The following CDK7 variants were observed in gnomAD, a reference collection of about 807,000 sequenced individuals.
CDK7 encodes cyclin dependent kinase 7, also known as cyclin-dependent kinase 7.
In CDK7, 25 loss-of-function variants were observed where a neutral mutation model predicts 49.1. The observed-to-expected ratio is 0.51, with a 90% CI of 0.37 to 0.71. CDK7 has a LOEUF of 0.71. CDK7 is among the 30% of genes least tolerant of loss of function. CDK7 has a pLI of 0.00. For missense variants in CDK7, 316 were observed against 411.7 expected (o/e 0.77, Z 2.01); for synonymous variants, 107 against 140.0 (o/e 0.76, Z 1.67).
At chr5:69,244,034 A>C (rs984021131) in intron 2 of CDK7, among the ~76,000 whole-genome samples, 1 of 145,418 alleles carries the variant, frequency 6.9e-6, no homozygotes, top group Non-Finnish European at 1.5e-5. Flanking sequence ...GGGTTTCACT[A>C]TGTTGGCCAG....
chr5:69,262,130 G>A (rs1750864242), intron 7 of CDK7, 75 bp from the exon 8 acceptor site: 1 of 1,582,386 alleles, frequency 6.3e-7, no homozygotes, highest in East Asian at 2.2e-5. Context: ...AACAGACAAG[G>A]ATCGTTCATC....
Position 69,273,056 on chromosome 5 carries a change from C to A in CDK7, c.864+15C>A, listed in dbSNP as rs1390713382. On this transcript the variant is annotated intron_variant, in intron 10 of 11. Coordinates refer to ENST00000256443, the MANE Select transcript of CDK7 (RefSeq NM_001799.4). ...CGGCCACACAGGTATTTTGGTGTAT[C>A]TTTTTTATACTAGGAAATATAAAAA... 3 of 1,448,856 alleles carry A rather than the reference C, an allele frequency of 2.1e-6. No individual in the cohort carries two copies. The highest frequency in any genetic ancestry group is 1.9e-6 in the Non-Finnish European group (2 of 1,076,346). 89.8% of individuals were successfully genotyped at this position (1,448,856 alleles called of 1,614,324 possible).
At chr5:69,273,673 C>G (rs910150818) in intron 10 of CDK7, among the ~76,000 whole-genome samples, 1 of 152,154 alleles carries the variant, frequency 6.6e-6, no homozygotes, top group African/African-American at 2.4e-5. Flanking sequence ...CTGTACAACA[C>G]AGTGCAGTGA....
intron 8 of CDK7, among the ~76,000 whole-genome samples, chr5:69,263,004 CTG>C (rs1397188239): frequency 1.3e-5 from 2 of 152,168 alleles, no homozygotes; most frequent in Non-Finnish European, 2.9e-5. Flanking sequence ...AGCTACTACT[CTG>C]TATAACTTAA....
intron 9 of CDK7, among the ~76,000 whole-genome samples, chr5:69,271,881 A>C (rs1413742393): frequency 4.0e-5 from 6 of 150,918 alleles, no homozygotes; most frequent in Non-Finnish European, 7.4e-5. Context: ...AGATCTGTTT[A>C]GAGTTTACCT....
chr5:69,241,804 A>C (rs1266574295), intron 2 of CDK7, among the ~76,000 whole-genome samples: 2 of 151,954 alleles, frequency 1.3e-5, no homozygotes, highest in African/African-American at 4.8e-5. Context: ...TATATTCTGG[A>C]TATTAATCTC....
chr5:69,259,104 T>G (rs1750666594), intron 6 of CDK7, among the ~76,000 whole-genome samples: 1 of 152,060 alleles, frequency 6.6e-6, no homozygotes, highest in Non-Finnish European at 1.5e-5. Flanking sequence ...ATAGGTCTTT[T>G]GGCTTTAAGT....
intron 9 of CDK7, among the ~76,000 whole-genome samples, chr5:69,270,577 A>G (rs1751462736): frequency 6.6e-6 from 1 of 152,188 alleles, no homozygotes. Context: ...GAATATCACC[A>G]CAAGAATCTC....
rs574207822 is a variant in CDK7 at position 69,240,409 on chromosome 5, G to A, written c.126+4956G>A. Among the ~76,000 whole-genome samples the A allele has an allele frequency of 1.1e-4, 16 of 152,244 alleles. No individual in the cohort carries two copies. The East Asian group carries it at 2.9e-3, about 28-fold the overall frequency. On this transcript the variant is annotated intron_variant, in intron 2 of 11. Transcript: ENST00000256443. ...ATGGCATGGTTATGTAAGAATGTCT[G>A]TATTTTAGAGATGCTTACTTAAGTA... is the stretch of plus-strand genomic sequence containing the variant.
At chr5:69,266,801 G>A (rs1208439529) in intron 8 of CDK7, among the ~76,000 whole-genome samples, 1 of 152,082 alleles carries the variant, frequency 6.6e-6, no homozygotes, top group Non-Finnish European at 1.5e-5. Flanking sequence ...TATAAACCAA[G>A]TTGTCAAAGA....
At position 69,263,919 on chromosome 5, in the gene CDK7, C is replaced by T. The variant is rs2150219353; in HGVS notation, c.627+1615C>T. On this transcript the variant is annotated intron_variant, in intron 8 of 11. Transcript: ENST00000256443. ...TAGCCATTGGCATTGTTGCTGGAATCATCTTTAAAGTTATAAGGAAAATGA... is the reference window on the plus strand; with the variant it reads ...TAGCCATTGGCATTGTTGCTGGAATTATCTTTAAAGTTATAAGGAAAATGA... Among the ~76,000 whole-genome samples, 2 of 152,322 alleles carry T rather than the reference C, an allele frequency of 1.3e-5. 1 individual carries two copies. Among genetic ancestry groups the T allele is most frequent in the Admixed American group, 1.3e-4 (2 of 15,296 alleles).
At chr5:69,256,768 C>T (rs1220088971) in intron 5 of CDK7, among the ~76,000 whole-genome samples, 1 of 151,888 alleles carries the variant, frequency 6.6e-6, no homozygotes, top group Admixed American at 6.6e-5. Flanking sequence ...CCTGGAAGGA[C>T]CTATCATAAT....
intron 2 of CDK7, among the ~76,000 whole-genome samples, chr5:69,240,068 C>T (rs891085029): frequency 2.6e-5 from 4 of 151,956 alleles, no homozygotes; most frequent in African/African-American, 9.7e-5. Context: ...TGTCCTTTTC[C>T]CAATGAGTTG....
At chr5:69,252,233 C>T (rs1750187746) in intron 2 of CDK7, among the ~76,000 whole-genome samples, 185 bp from the exon 3 acceptor site, 1 of 151,886 alleles carries the variant, frequency 6.6e-6, no homozygotes. Context: ...TTGATTCTCT[C>T]TTATATTGTT....
intron 3 of CDK7, 73 bp downstream of exon 3, chr5:69,252,524 TA>T (rs878962541): frequency 2.4e-5 from 13 of 539,786 alleles, no homozygotes; most frequent in South Asian, 1.7e-4. Flanking sequence ...TTTTTTTTTT[TA>T]AAAAGACAGG....
chr5:69,235,355 A>G (rs773416889), intron 1 of CDK7, 39 bp from the exon 2 acceptor site: 7 of 1,433,378 alleles, frequency 4.9e-6, no homozygotes, highest in Non-Finnish European at 6.9e-6. Context: ...AAACACAAAA[A>G]CTCCCATAAA....
rs1422966926 is a variant in CDK7, at chr5:69,234,958, C to T, written c.-18C>T. 8 of 1,584,650 alleles carry T rather than the reference C, an allele frequency of 5.0e-6. No homozygotes were observed. Among genetic ancestry groups the T allele is most frequent in the Non-Finnish European group, 6.9e-6 (8 of 1,165,622 alleles). On this transcript the variant is annotated 5_prime_UTR_variant, in exon 1 of 12. Transcript: ENST00000256443. ...GGAGCTCGCCCTTTTCGGCTGGAGT[C>T]GGGCTTTACGGCGCCGGATGGCTCT...
chr5:69,259,633 TTA>T (rs1750693218), intron 6 of CDK7, among the ~76,000 whole-genome samples, 183 bp from the exon 7 acceptor site: 1 of 152,110 alleles, frequency 6.6e-6, no homozygotes, highest in Non-Finnish European at 1.5e-5. Context: ...CTTACCAAGG[TTA>T]TATATTATAA....
chr5:69,259,791 T>G, intron 6 of CDK7, 27 bp from the exon 7 acceptor site: 1 of 1,471,372 alleles, frequency 6.8e-7, no homozygotes, highest in Admixed American at 1.7e-5. Flanking sequence ...CCTGCTTATT[T>G]GTTTGTTTAA....
Sources: allele counts gnomAD v4.1 joint callset (sites outside exome capture counted in the v4.1 genomes callset), GRCh38; gene constraint gnomAD v4.1.1; transcripts MANE v1.5; gene names NCBI Gene and HGNC (gene_info 2026-07-23, HGNC 2026-07-21).